GPC6: variants seen among roughly 807,000 people sequenced by gnomAD.
GPC6 encodes glypican-6.
A neutral mutation model predicts 55.2 loss-of-function variants in GPC6; 14 were observed. That is an observed-to-expected ratio of 0.25 (90% CI 0.17 to 0.40). GPC6 has a LOEUF of 0.40. Ranked by LOEUF, GPC6 falls within the 10% of genes least tolerant of loss-of-function variation. The pLI is 1.00. For missense variants in GPC6, 641 were observed against 708.5 expected (o/e 0.90, Z 1.08); for synonymous variants, 278 against 259.6 (o/e 1.07, Z -0.68).
chr13:94,373,665 C>A (rs1174318302), intron 6 of GPC6, among the ~76,000 whole-genome samples: 3 of 152,078 alleles, frequency 2.0e-5, no homozygotes, highest in Admixed American at 2.0e-4. Context: ...GGAGAACTTC[C>A]CCAATCTAGC....
rs1891873614 is a variant in GPC6 at position 94,268,133 on chromosome 13, C to A, written c.878-18216C>A. On this transcript the variant is annotated intron_variant, in intron 4 of 8. Coordinates refer to ENST00000377047, the MANE Select transcript of GPC6 (RefSeq NM_005708.5). Reference sequence around the variant, plus strand: ...TGCCACCTTGCTAAGGTCTAAATTGCAAATGATGTTAGTAGTTCCAAGAGG... The same window carrying A: ...TGCCACCTTGCTAAGGTCTAAATTGAAAATGATGTTAGTAGTTCCAAGAGG... 3.3e-5 allele frequency among the ~76,000 whole-genome samples: 5 copies of A among 152,156 alleles called. No individual in the cohort carries two copies. The South Asian group carries it at 1.0e-3, about 32-fold the overall frequency.
At chr13:93,387,808 T>C (rs1875463788) in intron 1 of GPC6, among the ~76,000 whole-genome samples, 1 of 152,236 alleles carries the variant, frequency 6.6e-6, no homozygotes, top group African/African-American at 2.4e-5. Context: ...CACTTTTTCA[T>C]ATTACTGGGC....
chr13:93,662,761 A>G (rs1275605663), intron 2 of GPC6, among the ~76,000 whole-genome samples: 2 of 152,192 alleles, frequency 1.3e-5, no homozygotes, highest in Non-Finnish European at 2.9e-5. Flanking sequence ...CTATTTGCTT[A>G]TGTCTTGTAA....
At chr13:94,101,909 A>C (rs1885877048) in intron 4 of GPC6, among the ~76,000 whole-genome samples, 1 of 152,144 alleles carries the variant, frequency 6.6e-6, no homozygotes, top group Admixed American at 6.6e-5. Context: ...AAACACTGTG[A>C]GTTGTTTTTT....
chr13:94,129,739 C>T (rs1886945194), intron 4 of GPC6, among the ~76,000 whole-genome samples: 1 of 152,140 alleles, frequency 6.6e-6, no homozygotes, highest in Admixed American at 6.6e-5. Flanking sequence ...TTGAAAACCA[C>T]TCTGAACCTG....
At chr13:93,911,408 GT>G (rs1876972683) in intron 3 of GPC6, among the ~76,000 whole-genome samples, 1 of 8,796 alleles carries the variant, frequency 1.1e-4, no homozygotes, top group Non-Finnish European at 1.9e-4. Flanking sequence ...ATAATTGACT[GT>G]GTGTGTGTGT....
At chr13:94,235,093 CGTTGG>C (rs1890841678) in intron 4 of GPC6, among the ~76,000 whole-genome samples, 4 of 151,926 alleles carry the variant, frequency 2.6e-5, no homozygotes, top group Non-Finnish European at 5.9e-5. Flanking sequence ...AGTAAATTTA[CGTTGG>C]ATATTTTTCA....
intron 6 of GPC6, among the ~76,000 whole-genome samples, chr13:94,362,208 G>A (rs1349494074): frequency 6.6e-6 from 1 of 152,110 alleles, no homozygotes; most frequent in African/African-American, 2.4e-5. Context: ...TAGAGTAAAA[G>A]GACCTATCGG....
At position 93,853,093 on chromosome 13, in the gene GPC6, G is replaced by A. The variant is rs139129755; in HGVS notation, c.711+22548G>A. ...TTCTATGTTTACTATTTCCTCTTCT[G>A]ACATTGTCACTAATAATGAAAAGTT... On this transcript the variant is annotated intron_variant, in intron 3 of 8. Coordinates refer to ENST00000377047, the MANE Select transcript of GPC6 (RefSeq NM_005708.5). 2.1e-4 allele frequency among the ~76,000 whole-genome samples: 32 copies of A among 151,766 alleles called. 1 individual carries two copies. The highest frequency in any genetic ancestry group is 7.0e-4 in the African/African-American group (29 of 41,496).
At chr13:93,907,431 CTTG>C (rs1043957269) in intron 3 of GPC6, among the ~76,000 whole-genome samples, 10 of 152,164 alleles carry the variant, frequency 6.6e-5, no homozygotes, top group East Asian at 1.9e-4. Context: ...ACCTGTACTT[CTTG>C]TTATTTTATT....
chr13:94,296,342 T>C (rs1290231003), intron 5 of GPC6, among the ~76,000 whole-genome samples: 1 of 152,248 alleles, frequency 6.6e-6, no homozygotes, highest in East Asian at 1.9e-4. Flanking sequence ...TTACATTTAA[T>C]GTAGCCTACT....
intron 2 of GPC6, among the ~76,000 whole-genome samples, chr13:93,612,555 G>A (rs911513327): frequency 7.9e-6 from 1 of 126,496 alleles, no homozygotes; most frequent in Non-Finnish European, 1.8e-5. Context: ...ACTTCATGTG[G>A]CATTTGTGCA....
chr13:94,265,881 C>T (rs1566610842), intron 4 of GPC6, among the ~76,000 whole-genome samples: 1 of 152,118 alleles, frequency 6.6e-6, no homozygotes, highest in Non-Finnish European at 1.5e-5. Flanking sequence ...GTTTTATTGG[C>T]ATTATTCCCA....
chr13:94,310,077 T>C (rs1397136280), intron 6 of GPC6, among the ~76,000 whole-genome samples: 4 of 152,306 alleles, frequency 2.6e-5, no homozygotes, highest in Non-Finnish European at 4.4e-5. Context: ...ATTTTTAAGA[T>C]CTGAGCATCA....
chr13:94,212,080 G>T (rs562881650), intron 4 of GPC6, among the ~76,000 whole-genome samples: 1 of 152,272 alleles, frequency 6.6e-6, no homozygotes, highest in South Asian at 2.1e-4. Context: ...ACCTGGGAAG[G>T]TGGGTTCTGC....
intron 2 of GPC6, among the ~76,000 whole-genome samples, chr13:93,703,311 C>A (rs532980777): frequency 6.6e-6 from 1 of 151,756 alleles, no homozygotes; most frequent in East Asian, 2.0e-4. Context: ...TAGTAGCACC[C>A]CAGAGCAATT....
intron 4 of GPC6, among the ~76,000 whole-genome samples, chr13:94,269,806 A>G (rs1891935650): frequency 6.6e-6 from 1 of 152,150 alleles, no homozygotes; most frequent in African/African-American, 2.4e-5. Context: ...GCTCCCTCCT[A>G]GTTGACCAAA....
At chr13:93,734,801 A>G (rs921936253) in intron 2 of GPC6, among the ~76,000 whole-genome samples, 1 of 152,170 alleles carries the variant, frequency 6.6e-6, no homozygotes, top group Non-Finnish European at 1.5e-5. Flanking sequence ...CCTCCTGTGG[A>G]AAACAAACAA....
intron 3 of GPC6, among the ~76,000 whole-genome samples, chr13:93,869,574 C>T (rs1757369407): frequency 6.6e-6 from 1 of 151,872 alleles, no homozygotes; most frequent in South Asian, 2.1e-4. Context: ...AAGGAGTTCA[C>T]CTAAAATGGC....
Sources: gnomAD v4.1 joint callset for allele counts (sites outside exome capture counted in the v4.1 genomes callset) on GRCh38, gnomAD v4.1.1 for gene constraint, MANE v1.5 for transcripts, NCBI Gene and HGNC (gene_info 2026-07-23, HGNC 2026-07-21) for gene names.